The following GALNTL6 variants were observed in gnomAD, a reference collection of about 807,000 sequenced individuals.
The protein encoded by GALNTL6 is polypeptide N-acetylgalactosaminyltransferase-like 6.
In GALNTL6, 46 loss-of-function variants were observed where a neutral mutation model predicts 73.7. That is an observed-to-expected ratio of 0.62 (90% CI 0.49 to 0.80). GALNTL6 has a LOEUF of 0.80. Among genes scored for constraint, GALNTL6 ranks in the 30% least tolerant of loss-of-function variants. GALNTL6 has a pLI of 0.00. For missense variants in GALNTL6, 604 were observed against 755.0 expected, an observed-to-expected ratio of 0.80 and a Z score of 2.34; for synonymous variants, 259 against 263.7, an observed-to-expected ratio of 0.98 and a Z score of 0.17.
intron 5 of GALNTL6, among the ~76,000 whole-genome samples, chr4:172,808,966 G>A (rs1741131184): frequency 6.6e-6 from 1 of 152,088 alleles, no homozygotes; most frequent in African/African-American, 2.4e-5. Context: ...AAAATACTAG[G>A]CAAAGCCTTG....
At chr4:172,433,114 G>C (rs1731517305) in intron 5 of GALNTL6, among the ~76,000 whole-genome samples, 1 of 152,146 alleles carries the variant, frequency 6.6e-6, no homozygotes. Context: ...GTGTGTTTAA[G>C]AATAGAGAAT....
intron 5 of GALNTL6, among the ~76,000 whole-genome samples, chr4:172,789,869 T>G (rs1224305590): frequency 6.6e-6 from 1 of 152,118 alleles, no homozygotes; most frequent in Non-Finnish European, 1.5e-5. Context: ...CACCCAACAT[T>G]ATAACAAAAG....
At chr4:172,498,230 C>G (rs1289030062) in intron 5 of GALNTL6, among the ~76,000 whole-genome samples, 1 of 151,482 alleles carries the variant, frequency 6.6e-6, no homozygotes, top group African/African-American at 2.4e-5. Flanking sequence ...CCTCGTGATC[C>G]ATCTGCCTCA....
intron 10 of GALNTL6, among the ~76,000 whole-genome samples, chr4:172,993,294 AT>A (rs1683221103): frequency 6.6e-6 from 1 of 152,232 alleles, no homozygotes; most frequent in African/African-American, 2.4e-5. Context: ...AAAAGTGGCC[AT>A]CTGCAAGCCT....
intron 5 of GALNTL6, among the ~76,000 whole-genome samples, chr4:172,563,223 C>T (rs767954633): frequency 5.3e-5 from 8 of 152,126 alleles, no homozygotes; most frequent in Non-Finnish European, 1.0e-4. Flanking sequence ...CTGATTTCCA[C>T]GCACACTCTT....
intron 8 of GALNTL6, among the ~76,000 whole-genome samples, chr4:172,907,164 A>C (rs1337338675): frequency 6.6e-6 from 1 of 151,898 alleles, no homozygotes; most frequent in African/African-American, 2.4e-5. Flanking sequence ...AAACCCCATT[A>C]GTTTTTTCCA....
intron 7 of GALNTL6, among the ~76,000 whole-genome samples, chr4:172,816,243 A>G (rs1741600862): frequency 6.6e-6 from 1 of 152,242 alleles, no homozygotes; most frequent in Non-Finnish European, 1.5e-5. Context: ...AGTATTTTTC[A>G]TACAATAAGG....
chr4:172,749,832 T>C (rs1737326137), intron 5 of GALNTL6, among the ~76,000 whole-genome samples: 1 of 151,516 alleles, frequency 6.6e-6, no homozygotes, highest in Non-Finnish European at 1.5e-5. Flanking sequence ...TCTCACAATA[T>C]TTCTGATATT....
intron 2 of GALNTL6, among the ~76,000 whole-genome samples, chr4:171,975,310 C>CT (rs1739689179): frequency 6.6e-6 from 1 of 152,122 alleles, no homozygotes; most frequent in Non-Finnish European, 1.5e-5. Context: ...AAGTGTGATG[C>CT]TCTACCCTAC....
chr4:172,242,208 A>G (rs956195237), intron 3 of GALNTL6, among the ~76,000 whole-genome samples: 3 of 152,104 alleles, frequency 2.0e-5, no homozygotes, highest in African/African-American at 7.2e-5. Context: ...GGAAAATGCA[A>G]TTGCTTGGAT....
chr4:173,025,578 C>G (rs1376261733), intron 12 of GALNTL6, among the ~76,000 whole-genome samples: 2 of 152,162 alleles, frequency 1.3e-5, no homozygotes, highest in Non-Finnish European at 2.9e-5. Context: ...TTTCCCCTTC[C>G]CCTTCCCCAT....
chr4:171,877,738 C>T (rs542036710), intron 2 of GALNTL6, among the ~76,000 whole-genome samples: 67 of 152,206 alleles, frequency 4.4e-4, no homozygotes, highest in Middle Eastern at 3.5e-3. Flanking sequence ...AACTGCTTGA[C>T]CTCTTTCTTC....
chr4:172,600,984 A>G lies in GALNTL6; in HGVS notation c.554-208377A>G, dbSNP rs1040489651. ...CATAACCCAAAAACAAAAACAAAAA[A>G]AAATCAATAGGAACAAAACCAGAAA... On this transcript the variant is annotated intron_variant, in intron 5 of 12. Transcript: ENST00000506823. Among the ~76,000 whole-genome samples, 14 of 152,296 alleles carry G rather than the reference A, an allele frequency of 9.2e-5. No homozygotes were observed. In the East Asian group the frequency reaches 2.5e-3, roughly 27 times the overall value.
intron 5 of GALNTL6, among the ~76,000 whole-genome samples, chr4:172,394,832 C>A (rs75527265): frequency 3.9e-5 from 6 of 152,076 alleles, no homozygotes; most frequent in Non-Finnish European, 7.4e-5. Flanking sequence ...AACAGAGAAC[C>A]CTTGTTTATG....
At chr4:173,015,132 G>A (rs1371078024) in intron 11 of GALNTL6, among the ~76,000 whole-genome samples, 3 of 152,184 alleles carry the variant, frequency 2.0e-5, no homozygotes, top group Admixed American at 6.5e-5. Flanking sequence ...ATGATTGTAA[G>A]TTTCCTGAGG....
At chr4:172,073,031 G>A (rs947140352) in intron 2 of GALNTL6, among the ~76,000 whole-genome samples, 2 of 151,988 alleles carry the variant, frequency 1.3e-5, no homozygotes, top group Non-Finnish European at 1.5e-5. Flanking sequence ...TGCTTTTCAC[G>A]AAATACAATT....
intron 4 of GALNTL6, among the ~76,000 whole-genome samples, chr4:172,338,047 G>A (rs1196218338): frequency 6.6e-6 from 1 of 152,036 alleles, no homozygotes; most frequent in Non-Finnish European, 1.5e-5. Flanking sequence ...TTCTTTTACT[G>A]TTTGGCGTAG....
chr4:172,063,726 T>C (rs1731277769), intron 2 of GALNTL6, among the ~76,000 whole-genome samples: 1 of 152,218 alleles, frequency 6.6e-6, no homozygotes, highest in Non-Finnish European at 1.5e-5. Context: ...AATGCAGTTG[T>C]GTTACCTGTA....
At chr4:172,025,790 T>G (rs1300255603) in intron 2 of GALNTL6, among the ~76,000 whole-genome samples, 1 of 151,102 alleles carries the variant, frequency 6.6e-6, no homozygotes, top group Non-Finnish European at 1.5e-5. Context: ...AGGCCTTTGG[T>G]GTGTGTGTGT....
Sources: gnomAD v4.1 joint callset for allele counts (sites outside exome capture counted in the v4.1 genomes callset) on GRCh38, gnomAD v4.1.1 for gene constraint, MANE v1.5 for transcripts, NCBI Gene and HGNC (gene_info 2026-07-23, HGNC 2026-07-21) for gene names.